SLC24A4: variants seen among roughly 807,000 people sequenced by gnomAD.
SLC24A4 encodes the protein solute carrier family 24 member 4.
Under a neutral mutation model 79.0 loss-of-function variants are expected in SLC24A4, and 53 were observed. The observed-to-expected ratio is 0.67, with a 90% CI of 0.54 to 0.84. The LOEUF (loss-of-function observed/expected upper bound fraction) is 0.84. Among genes scored for constraint, SLC24A4 ranks in the 40% least tolerant of loss-of-function variants. The probability of loss-of-function intolerance (pLI) is 0.00; values close to 1 mark genes in which losing one functional copy is unlikely to be tolerated. For missense variants in SLC24A4, 731 were observed against 822.0 expected, an observed-to-expected ratio of 0.89 and a Z score of 1.35; for synonymous variants, 323 against 323.8, an observed-to-expected ratio of 1.00 and a Z score of 0.03.
intron 12 of SLC24A4, among the ~76,000 whole-genome samples, chr14:92,459,851 C>T (rs369996823): frequency 3.0e-4 from 45 of 152,266 alleles, no homozygotes; most frequent in African/African-American, 1.0e-3. Context: ...ACAGAAATAC[C>T]CTGTATCCAG....
At chr14:92,388,394 C>T (rs1464461852) in intron 2 of SLC24A4, among the ~76,000 whole-genome samples, 2 of 152,208 alleles carry the variant, frequency 1.3e-5, no homozygotes, top group African/African-American at 4.8e-5. Context: ...GTCTGTGGTT[C>T]TGTGGCTGCC....
intron 2 of SLC24A4, among the ~76,000 whole-genome samples, chr14:92,328,764 C>G (rs1209827800): frequency 1.3e-5 from 2 of 152,240 alleles, no homozygotes; most frequent in Admixed American, 1.3e-4. Context: ...ACCACCCTTG[C>G]AGATTGATCT....
intron 2 of SLC24A4, among the ~76,000 whole-genome samples, chr14:92,347,583 T>C (rs1952226334): frequency 6.6e-6 from 1 of 152,248 alleles, no homozygotes; most frequent in African/African-American, 2.4e-5. Flanking sequence ...GTTACTTGGC[T>C]TTCAACCTTT....
intron 2 of SLC24A4, among the ~76,000 whole-genome samples, chr14:92,416,178 C>T (rs1333590453): frequency 6.6e-6 from 1 of 151,248 alleles, no homozygotes; most frequent in African/African-American, 2.4e-5. Flanking sequence ...GTGGTGTCAG[C>T]GTTTCTAGCC....
chr14:92,337,342 G>T (rs1227018285), intron 2 of SLC24A4, among the ~76,000 whole-genome samples: 3 of 152,158 alleles, frequency 2.0e-5, no homozygotes, highest in Non-Finnish European at 4.4e-5. Flanking sequence ...TGTCCTCTTT[G>T]TCCTTGGCTC....
At chr14:92,473,056 C>T (rs918194912) in intron 12 of SLC24A4, among the ~76,000 whole-genome samples, 1 of 152,250 alleles carries the variant, frequency 6.6e-6, no homozygotes. Flanking sequence ...GCGGCACACC[C>T]TGCCTCCTGT....
At chr14:92,417,839 G>A (rs1481288174) in intron 2 of SLC24A4, among the ~76,000 whole-genome samples, 1 of 152,248 alleles carries the variant, frequency 6.6e-6, no homozygotes, top group Non-Finnish European at 1.5e-5. Flanking sequence ...TTATGGGATA[G>A]CTTAGGTGTG....
intron 2 of SLC24A4, among the ~76,000 whole-genome samples, chr14:92,342,097 C>T (rs1886177830): frequency 6.6e-6 from 1 of 152,070 alleles, no homozygotes; most frequent in South Asian, 2.1e-4. Flanking sequence ...GCTGCCTCTT[C>T]CACAGTCCCC....
intron 2 of SLC24A4, among the ~76,000 whole-genome samples, chr14:92,429,435 T>C (rs10137308): frequency 0.58 from 87,939 of 152,016 alleles, 25,851 homozygotes; most frequent in East Asian, 0.81. Flanking sequence ...CGTTCATTCA[T>C]ATACAAATAG....
Position 92,323,829 on chromosome 14 carries a change from G to C in SLC24A4, c.-2G>C, listed in dbSNP as rs780141660. On this transcript the variant is annotated 5_prime_UTR_variant, in exon 1 of 17. Coordinates refer to ENST00000532405, the MANE Select transcript of SLC24A4 (RefSeq NM_153646.4). This position sits in a 1 kb window ranked among gnomAD's most constrained non-coding sequence, Gnocchi z 4.9. The stretch of plus-strand genomic sequence containing the variant: ...CCAGAGACGGCACCCAGGCGCTCCG[G>C]GATGGCGCTCCGCGGGACCCTCCGG... 1 of 1,570,864 alleles carries C rather than the reference G, an allele frequency of 6.4e-7. No homozygotes were observed. The highest frequency in any genetic ancestry group is 8.6e-7 in the Non-Finnish European group (1 of 1,165,934).
intron 12 of SLC24A4, among the ~76,000 whole-genome samples, chr14:92,480,652 T>C (rs1292728697): frequency 6.6e-6 from 1 of 152,250 alleles, no homozygotes; most frequent in East Asian, 1.9e-4. Context: ...GTTTTCACTA[T>C]ATCCCATAAG....
chr14:92,477,511 C>T (rs1204213118), intron 12 of SLC24A4, among the ~76,000 whole-genome samples: 7 of 152,060 alleles, frequency 4.6e-5, no homozygotes, highest in African/African-American at 7.2e-5. Context: ...CTCTGTTGCC[C>T]AGTGCAATGG....
intron 2 of SLC24A4, among the ~76,000 whole-genome samples, chr14:92,338,866 C>G (rs1297387626): frequency 1.3e-5 from 2 of 152,194 alleles, no homozygotes; most frequent in East Asian, 3.9e-4. Context: ...TTTTGAGCTC[C>G]TTGAGGGCAG....
At chr14:92,378,674 C>T (rs1411469514) in intron 2 of SLC24A4, among the ~76,000 whole-genome samples, 1 of 152,226 alleles carries the variant, frequency 6.6e-6, no homozygotes, top group East Asian at 1.9e-4. Flanking sequence ...CACTCTCTTA[C>T]TGATATCTTT....
intron 4 of SLC24A4, 60 bp downstream of exon 4, chr14:92,439,469 GC>G: frequency 6.6e-7 from 1 of 1,514,728 alleles, no homozygotes; most frequent in South Asian, 1.1e-5. Flanking sequence ...GGACATAAAT[GC>G]CAAGCCAAGA....
chr14:92,451,707 T>G (rs1208655212), intron 10 of SLC24A4: 1 of 152,218 alleles, frequency 6.6e-6, no homozygotes, highest in Non-Finnish European at 1.5e-5. Context: ...GGCGTTTGAG[T>G]ACTGAAACGT....
intron 2 of SLC24A4, among the ~76,000 whole-genome samples, chr14:92,358,336 A>G (rs1392655381): frequency 6.6e-6 from 1 of 152,216 alleles, no homozygotes; most frequent in Non-Finnish European, 1.5e-5. Flanking sequence ...CTGGGCAGTG[A>G]TAGATGTCAT....
At chr14:92,443,584 A>T (rs2139814939) in intron 7 of SLC24A4, 110 bp downstream of exon 7, 1 of 1,105,954 alleles carries the variant, frequency 9.0e-7, no homozygotes, top group African/African-American at 1.5e-5. Context: ...CTCACAGCAC[A>T]CAATAGTGGG....
chr14:92,353,854 T>C lies in SLC24A4; in HGVS notation c.241+27876T>C, dbSNP rs1887019368. Among the ~76,000 whole-genome samples, 1 of 152,212 alleles carries C rather than the reference T, an allele frequency of 6.6e-6. No individual in the cohort carries two copies. On this transcript the variant is annotated intron_variant, in intron 2 of 16. Coordinates refer to ENST00000532405, the MANE Select transcript of SLC24A4 (RefSeq NM_153646.4). This position sits in a 1 kb window ranked among gnomAD's most constrained non-coding sequence, Gnocchi z 4.1. ...GCAGCTGTAAACCTGTAGCAGAGCA[T>C]AACTTCAGCTCCCCTGTCCCAGCTG... is the stretch of plus-strand genomic sequence containing the variant.
Sources: gnomAD v4.1 joint callset for allele counts (sites outside exome capture counted in the v4.1 genomes callset) on GRCh38, gnomAD v4.1.1 for gene constraint, Gnocchi (gnomAD v3.1) non-coding constraint, MANE v1.5 for transcripts, NCBI Gene and HGNC (gene_info 2026-07-23, HGNC 2026-07-21) for gene names.